IFT25: variants seen among roughly 807,000 people sequenced by gnomAD.
The protein encoded by IFT25 is intraflagellar transport protein 25 homolog.
At chr1:53,933,956 T>C in the IFT25 span, among the ~76,000 whole-genome samples, 2 of 152,208 alleles carry the variant, frequency 1.3e-5, no homozygotes, top group Admixed American at 6.5e-5. Context: ...TGAACATCAC[T>C]TTTGTGCCAT....
At chr1:53,930,702 A>C in the IFT25 span, among the ~76,000 whole-genome samples, 1 of 151,938 alleles carries the variant, frequency 6.6e-6, no homozygotes, top group Non-Finnish European at 1.5e-5. Flanking sequence ...ATTGGCACTT[A>C]ATCTCCTGTG....
chr1:53,934,219 T>G, the IFT25 span, among the ~76,000 whole-genome samples: 1 of 152,196 alleles, frequency 6.6e-6, no homozygotes, highest in Non-Finnish European at 1.5e-5. Flanking sequence ...GAAAAATGCC[T>G]TTATCCTATC....
At chr1:53,933,300 A>G in the IFT25 span, among the ~76,000 whole-genome samples, 1 of 151,910 alleles carries the variant, frequency 6.6e-6, no homozygotes, top group African/African-American at 2.4e-5. Flanking sequence ...ACGCCTGGCT[A>G]ATTTTTTTTA....
At chr1:53,941,863 A>C in the IFT25 span, among the ~76,000 whole-genome samples, 1 of 152,202 alleles carries the variant, frequency 6.6e-6, no homozygotes, top group Admixed American at 6.5e-5. Flanking sequence ...ACATGTTCTA[A>C]AGATTTCAAC....
chr1:53,936,914 C>G, the IFT25 span, among the ~76,000 whole-genome samples: 1 of 152,036 alleles, frequency 6.6e-6, no homozygotes, highest in Non-Finnish European at 1.5e-5. Context: ...AGGCTAGTCT[C>G]AAACTCCTGA....
At chr1:53,933,189 G>A in the IFT25 span, among the ~76,000 whole-genome samples, 4 of 145,578 alleles carry the variant, frequency 2.7e-5, no homozygotes, top group Admixed American at 1.4e-4. Flanking sequence ...AGGCTGGAGC[G>A]CAGTGCACAA....
chr1:53,919,712 C>A, the IFT25 span, among the ~76,000 whole-genome samples: 1 of 152,164 alleles, frequency 6.6e-6, no homozygotes, highest in Non-Finnish European at 1.5e-5. Flanking sequence ...TTGTAAAGTT[C>A]CCCACCAATC....
the IFT25 span, among the ~76,000 whole-genome samples, chr1:53,942,191 T>G: frequency 6.6e-6 from 1 of 152,288 alleles, no homozygotes; most frequent in East Asian, 1.9e-4. Flanking sequence ...ATGAGTAAGA[T>G]ATTTAATAAG....
At chr1:53,934,730 A>G in the IFT25 span, among the ~76,000 whole-genome samples, 1 of 152,344 alleles carries the variant, frequency 6.6e-6, no homozygotes, top group African/African-American at 2.4e-5. Flanking sequence ...CAGGTGTGTT[A>G]GCACATGCCT....
chr1:53,945,153 ACTTGTGG>A, the IFT25 span, among the ~76,000 whole-genome samples: 1 of 152,250 alleles, frequency 6.6e-6, no homozygotes, highest in East Asian at 1.9e-4. Flanking sequence ...AAAGCCTCAG[ACTTGTGG>A]AGGCCCGCCC....
the IFT25 span, among the ~76,000 whole-genome samples, chr1:53,927,640 C>T: frequency 6.6e-6 from 1 of 152,324 alleles, no homozygotes; most frequent in East Asian, 1.9e-4. Flanking sequence ...TTCAACTAAT[C>T]ATCCTTGTTT....
chr1:53,913,822 G>GCA, the IFT25 span, among the ~76,000 whole-genome samples: 13 of 152,250 alleles, frequency 8.5e-5, no homozygotes, highest in South Asian at 2.1e-4. Flanking sequence ...TGCACTCTCT[G>GCA]CACACACACA....
the IFT25 span, among the ~76,000 whole-genome samples, chr1:53,920,781 C>T: frequency 6.6e-6 from 1 of 150,870 alleles, no homozygotes; most frequent in Admixed American, 6.6e-5. Flanking sequence ...AGCCTTTACT[C>T]CAGCCTGGGT....
the IFT25 span, among the ~76,000 whole-genome samples, chr1:53,941,068 C>T: frequency 9.4e-3 from 1,435 of 152,086 alleles, 18 homozygotes; most frequent in African/African-American, 0.033. Flanking sequence ...GATCTTGGCT[C>T]ACTGCAACCT....
the IFT25 span, among the ~76,000 whole-genome samples, chr1:53,934,108 C>T: frequency 6.6e-6 from 1 of 152,136 alleles, no homozygotes; most frequent in Non-Finnish European, 1.5e-5. Flanking sequence ...TTCCAGTACA[C>T]TTAATTTCTT....
At chr1:53,923,370 G>A in the IFT25 span, among the ~76,000 whole-genome samples, 1 of 152,216 alleles carries the variant, frequency 6.6e-6, no homozygotes, top group African/African-American at 2.4e-5. Context: ...CGGAACTCCT[G>A]ATGAGGCAGC....
the IFT25 span, among the ~76,000 whole-genome samples, chr1:53,944,582 C>T: frequency 6.6e-6 from 1 of 152,216 alleles, no homozygotes; most frequent in East Asian, 1.9e-4. Context: ...GAAGCGGAGG[C>T]TCAGTGAGGC....
the IFT25 span, chr1:53,930,293 C>A: frequency 1.3e-6 from 1 of 767,154 alleles, no homozygotes; most frequent in Non-Finnish European, 2.0e-6. Flanking sequence ...CTCTCTCCAA[C>A]TTTAATAATT....
the IFT25 span, among the ~76,000 whole-genome samples, chr1:53,943,162 G>A: frequency 6.6e-6 from 1 of 152,076 alleles, no homozygotes; most frequent in African/African-American, 2.4e-5. Context: ...AAGGACTTTC[G>A]TTCAAAGTAA....
Sources: allele counts gnomAD v4.1 joint callset (sites outside exome capture counted in the v4.1 genomes callset), GRCh38; gene constraint gnomAD v4.1.1; transcripts MANE v1.5; gene names NCBI Gene and HGNC (gene_info 2026-07-23, HGNC 2026-07-21).